TMEM108: variants seen among roughly 807,000 people sequenced by gnomAD.
The protein encoded by TMEM108 is transmembrane protein 108.
In TMEM108, 12 loss-of-function variants were observed where a neutral mutation model predicts 35.1. The ratio of observed to expected loss-of-function variants is 0.34; its 90% confidence interval spans 0.22 to 0.55. The LOEUF is 0.55. TMEM108 is among the 20% of genes least tolerant of loss of function. TMEM108 has a pLI of 0.89. For missense variants in TMEM108, 680 were observed against 753.3 expected, an observed-to-expected ratio of 0.90 and a Z score of 1.14; for synonymous variants, 287 against 308.6, an observed-to-expected ratio of 0.93 and a Z score of 0.73.
chr3:133,113,150 A>G (rs965663203), intron 2 of TMEM108, among the ~76,000 whole-genome samples: 1 of 152,144 alleles, frequency 6.6e-6, no homozygotes, highest in African/African-American at 2.4e-5. Flanking sequence ...AATTGGAAGG[A>G]AGGTTGTAGA....
intron 2 of TMEM108, among the ~76,000 whole-genome samples, chr3:133,081,734 A>G (rs1199305049): frequency 1.3e-5 from 2 of 152,208 alleles, no homozygotes; most frequent in Non-Finnish European, 2.9e-5. Flanking sequence ...AATGCAAAAG[A>G]TCTATTGGGG....
At chr3:133,050,394 AT>A (rs1943389304) in intron 2 of TMEM108, among the ~76,000 whole-genome samples, 1 of 152,122 alleles carries the variant, frequency 6.6e-6, no homozygotes, top group African/African-American at 2.4e-5. Flanking sequence ...GAAGATACAG[AT>A]TTCCCATATA....
At chr3:133,149,421 T>C (rs187650266) in intron 2 of TMEM108, among the ~76,000 whole-genome samples, 2 of 152,326 alleles carry the variant, frequency 1.3e-5, no homozygotes, top group African/African-American at 4.8e-5. Context: ...TACATTATAA[T>C]TAACTATAGT....
At chr3:133,157,177 C>T (rs930603326) in intron 2 of TMEM108, among the ~76,000 whole-genome samples, 2 of 152,076 alleles carry the variant, frequency 1.3e-5, no homozygotes, top group Non-Finnish European at 2.9e-5. Flanking sequence ...TCTTTGCTAC[C>T]GTTTTTAACT....
intron 2 of TMEM108, among the ~76,000 whole-genome samples, chr3:133,081,104 C>T (rs919951736): frequency 1.3e-5 from 2 of 152,222 alleles, no homozygotes; most frequent in African/African-American, 2.4e-5. Context: ...GTCGTCACTT[C>T]TCATGCCTTC....
At position 133,380,067 on chromosome 3, in the gene TMEM108, C is replaced by T. The variant is rs981167322; in HGVS notation, c.356C>T (p.Pro119Leu). ...SESSLSTGPA[P>L]AAMATTSSKP... is the part of the protein sequence containing the mutation. The stretch of plus-strand genomic sequence containing the variant: ...AGCTCCCTGTCCACAGGGCCCGCTC[C>T]AGCAGCCATGGCAACCACATCCTCC... The change falls in exon 4 of 6, where the codon CCA becomes CTA. Residue 119 changes from proline (P) to leucine (L), a missense_variant. Pro to Leu is a moderately conservative substitution (Grantham distance 98). Around this residue, in one of 3 missense-constraint regions of TMEM108, gnomAD observed 526 missense variants for 532.1 expected, o/e 0.99. Coordinates refer to ENST00000321871, the MANE Select transcript of TMEM108 (RefSeq NM_023943.4). This position sits in a 1 kb window ranked among gnomAD's most constrained non-coding sequence, Gnocchi z 5.3. 24 of 1,613,888 alleles carry T rather than the reference C, an allele frequency of 1.5e-5. No homozygotes were observed. In the African/African-American group the frequency reaches 2.1e-4, roughly 14 times the overall value.
At chr3:133,356,561 A>G (rs527819321) in intron 3 of TMEM108, among the ~76,000 whole-genome samples, 8 of 152,188 alleles carry the variant, frequency 5.3e-5, no homozygotes, top group African/African-American at 1.7e-4. Flanking sequence ...CACATTACCA[A>G]TCTTCAAATT....
At chr3:133,376,896 C>G (rs539141103) in intron 3 of TMEM108, among the ~76,000 whole-genome samples, 3 of 152,184 alleles carry the variant, frequency 2.0e-5, no homozygotes, top group Admixed American at 6.5e-5. Context: ...CACAATACCA[C>G]AGACAGAAAT....
In TMEM108 at chr3:133,075,464, A is replaced by C. The variant is rs187433566; in HGVS notation, c.-47+29444A>C. ...TTGGCCATTTCTTTGATCACCAGTG[A>C]TTTAACATTTCTTACTATTTTGCTG... On this transcript the variant is annotated intron_variant, in intron 2 of 5. Coordinates refer to ENST00000321871, the MANE Select transcript of TMEM108 (RefSeq NM_023943.4). Among the ~76,000 whole-genome samples, 88 of 152,260 alleles carry C rather than the reference A, an allele frequency of 5.8e-4. No homozygotes were observed. The South Asian group carries it at 6.2e-3, about 11-fold the overall frequency.
At chr3:133,042,643 G>A (rs944938255) in intron 1 of TMEM108, among the ~76,000 whole-genome samples, 2 of 152,188 alleles carry the variant, frequency 1.3e-5, no homozygotes, top group Non-Finnish European at 2.9e-5. Flanking sequence ...AAAAGTGGTT[G>A]TGCATTACCT....
chr3:133,245,672 G>C lies in TMEM108; in HGVS notation c.40+16321G>C, dbSNP rs74423964. On this transcript the variant is annotated intron_variant, in intron 3 of 5. Coordinates refer to ENST00000321871, the MANE Select transcript of TMEM108 (RefSeq NM_023943.4). Reference sequence around the variant, plus strand: ...GACCAAAGAAACATGGCATTAAAGTGGAATGAACTGGACAGAGGAACAATG... The same window carrying C: ...GACCAAAGAAACATGGCATTAAAGTCGAATGAACTGGACAGAGGAACAATG... 1.0e-3 allele frequency among the ~76,000 whole-genome samples: 158 copies of C among 152,302 alleles called. No homozygotes were observed. In the East Asian group the frequency reaches 0.011, roughly 10 times the overall value.
rs115597335 is a variant in TMEM108 at position 133,167,999 on chromosome 3, G to A, written c.-46-61267G>A. On this transcript the variant is annotated intron_variant, in intron 2 of 5. Transcript: ENST00000321871. ...TAACCCTTTCCTGTCATGGCCTTACGTCCTGTTTATAATTTGGTATCTTAG... is the reference window on the plus strand; with the variant it reads ...TAACCCTTTCCTGTCATGGCCTTACATCCTGTTTATAATTTGGTATCTTAG... Among the ~76,000 whole-genome samples, 1,462 of 152,182 alleles carry A rather than the reference G, an allele frequency of 9.6e-3. 20 individuals are homozygous for A. The highest frequency in any genetic ancestry group is 0.033 in the African/African-American group (1,387 of 41,520).
chr3:133,272,307 G>T (rs1559888627), intron 3 of TMEM108, among the ~76,000 whole-genome samples: 2 of 150,426 alleles, frequency 1.3e-5, no homozygotes, highest in East Asian at 3.9e-4. Flanking sequence ...GTGTGTGTGT[G>T]TGTGTTTCCT....
chr3:133,143,147 C>T (rs900410814), intron 2 of TMEM108, among the ~76,000 whole-genome samples: 1 of 152,174 alleles, frequency 6.6e-6, no homozygotes, highest in Non-Finnish European at 1.5e-5. Context: ...GCTCTGGCCT[C>T]TGAAAAATCC....
chr3:133,330,085 T>A (rs72978189), intron 3 of TMEM108, among the ~76,000 whole-genome samples: 93 of 152,370 alleles, frequency 6.1e-4, no homozygotes, highest in African/African-American at 2.1e-3. Context: ...AAAAATGCCA[T>A]AAATACTTCT....
chr3:133,345,237 T>C lies in TMEM108; in HGVS notation c.41-34515T>C, dbSNP rs190493780. Among the ~76,000 whole-genome samples the C allele has an allele frequency of 2.3e-3, 356 of 151,978 alleles. 2 individuals carry two copies. The highest frequency in any genetic ancestry group is 8.0e-3 in the African/African-American group (334 of 41,552). On this transcript the variant is annotated intron_variant, in intron 3 of 5. Coordinates refer to ENST00000321871, the MANE Select transcript of TMEM108 (RefSeq NM_023943.4). The stretch of plus-strand genomic sequence containing the variant: ...TACATCAAGATCAAATGAAGTTTAT[T>C]CTAAGAATGCAAAGATGGATTGCTA...
chr3:133,055,601 C>T (rs1396663074), intron 2 of TMEM108, among the ~76,000 whole-genome samples: 2 of 152,174 alleles, frequency 1.3e-5, no homozygotes, highest in African/African-American at 2.4e-5. Context: ...GACTGAAACC[C>T]CCAGCCCTGA....
chr3:133,347,131 C>A (rs1319260260), intron 3 of TMEM108, among the ~76,000 whole-genome samples: 2 of 152,026 alleles, frequency 1.3e-5, no homozygotes, highest in East Asian at 3.8e-4. Context: ...TTTGCCTTTC[C>A]ATATAAACTT....
At chr3:133,347,142 TATAA>T (rs1264113531) in intron 3 of TMEM108, among the ~76,000 whole-genome samples, 5 of 152,136 alleles carry the variant, frequency 3.3e-5, no homozygotes, top group Non-Finnish European at 5.9e-5. Flanking sequence ...ATATAAACTT[TATAA>T]TCAGTTTGTC....
Sources: allele counts gnomAD v4.1 joint callset (sites outside exome capture counted in the v4.1 genomes callset), GRCh38; gene constraint gnomAD v4.1.1; regional missense constraint gnomAD v4.1.1; non-coding constraint Gnocchi (gnomAD v3.1); transcripts MANE v1.5; gene names NCBI Gene and HGNC (gene_info 2026-07-23, HGNC 2026-07-21).